The following DENND5A variants were observed in gnomAD, a reference collection of about 807,000 sequenced individuals.
The protein encoded by DENND5A is DENN domain-containing protein 5A.
DENND5A carries 64 observed loss-of-function variants against 140.3 expected under a neutral mutation model. The observed-to-expected ratio is 0.46, with a 90% confidence interval of 0.37 to 0.56. DENND5A has a LOEUF of 0.56. Among genes scored for constraint, DENND5A ranks in the 20% least tolerant of loss-of-function variants. The pLI, the probability that DENND5A is intolerant of heterozygous loss-of-function variation, is 0.00. For synonymous variants in DENND5A, 605 were observed against 607.7 expected, an observed-to-expected ratio of 1.00 and a Z score of 0.07; for missense variants, 1,292 against 1,593.8, an observed-to-expected ratio of 0.81 and a Z score of 3.22.
At chr11:9,224,273 G>A (rs1850443370) in intron 1 of DENND5A, among the ~76,000 whole-genome samples, 1 of 152,154 alleles carries the variant, frequency 6.6e-6, no homozygotes, top group African/African-American at 2.4e-5. Context: ...TTGAAGGGAA[G>A]TGAGAAAGCT....
At chr11:9,230,999 AC>A (rs1850745830) in intron 1 of DENND5A, among the ~76,000 whole-genome samples, 2 of 151,954 alleles carry the variant, frequency 1.3e-5, no homozygotes, top group African/African-American at 4.8e-5. Context: ...AAACAAACAA[AC>A]AAAAAAAACC....
chr11:9,252,170 C>T (rs947878796), intron 1 of DENND5A, among the ~76,000 whole-genome samples: 1 of 141,632 alleles, frequency 7.1e-6, no homozygotes, highest in African/African-American at 2.7e-5. Context: ...TGGTAGCACG[C>T]GCCTGTAGTC....
chr11:9,144,566 G>A (rs759317031), intron 18 of DENND5A, among the ~76,000 whole-genome samples: 7 of 152,056 alleles, frequency 4.6e-5, no homozygotes, highest in African/African-American at 7.2e-5. Context: ...CGAGGCGGCC[G>A]GATCACCTGC....
intron 16 of DENND5A, among the ~76,000 whole-genome samples, chr11:9,146,382 G>A (rs1403072168): frequency 6.6e-6 from 1 of 152,204 alleles, no homozygotes; most frequent in African/African-American, 2.4e-5. Flanking sequence ...AACTAGCCAT[G>A]TGGCAAACTC....
At chr11:9,172,996 T>A (rs57127036) in intron 8 of DENND5A, among the ~76,000 whole-genome samples, 13,111 of 147,382 alleles carry the variant, frequency 0.089, 612 homozygotes, top group South Asian at 0.12. Context: ...TTTTTTTTTT[T>A]TATATGTTTA....
intron 6 of DENND5A, 43 bp from the exon 7 acceptor site, chr11:9,179,116 C>G: frequency 6.4e-7 from 1 of 1,553,874 alleles, no homozygotes; most frequent in Non-Finnish European, 8.8e-7. Flanking sequence ...TACACTTTTT[C>G]CTTTTAACCC....
intron 4 of DENND5A, among the ~76,000 whole-genome samples, chr11:9,202,773 T>C (rs1055404391): frequency 1.3e-5 from 2 of 152,110 alleles, no homozygotes; most frequent in Non-Finnish European, 1.5e-5. Flanking sequence ...CATTCTTGTC[T>C]TAGACCGTTT....
At chr11:9,179,103 A>G in intron 6 of DENND5A, 30 bp from the exon 7 acceptor site, 2 of 1,588,354 alleles carry the variant, frequency 1.3e-6, no homozygotes, top group South Asian at 1.1e-5. Context: ...AGTTGAGAAC[A>G]CATACACTTT....
chr11:9,240,607 C>T lies in DENND5A; in HGVS notation c.109+24354G>A, dbSNP rs114347780. On this transcript the variant is annotated intron_variant, in intron 1 of 22. Transcript: ENST00000328194. Reference sequence around the variant, plus strand: ...TGCCTGTAGTCGCAGCTACTCAGGACGATGAGGTGGGAGGATCACTTGAGC... The same window carrying T: ...TGCCTGTAGTCGCAGCTACTCAGGATGATGAGGTGGGAGGATCACTTGAGC... Among the ~76,000 whole-genome samples the T allele has an allele frequency of 2.6e-3, 389 of 151,620 alleles. 1 individual carries two copies. The highest frequency in any genetic ancestry group is 8.6e-3 in the African/African-American group (356 of 41,312).
intron 5 of DENND5A, among the ~76,000 whole-genome samples, chr11:9,184,297 G>C (rs1848832654): frequency 6.6e-6 from 1 of 151,892 alleles, no homozygotes. Context: ...AGCTTGCAGT[G>C]AGCCAAGATC....
intron 1 of DENND5A, among the ~76,000 whole-genome samples, chr11:9,239,243 G>A (rs774783825): frequency 1.3e-5 from 2 of 151,332 alleles, no homozygotes; most frequent in Admixed American, 6.6e-5. Flanking sequence ...CGTTGCCCAC[G>A]CTGGACTCAA....
At chr11:9,157,570 G>C (rs556090440) in intron 12 of DENND5A, among the ~76,000 whole-genome samples, 1 of 152,250 alleles carries the variant, frequency 6.6e-6, no homozygotes, top group African/African-American at 2.4e-5. Flanking sequence ...ACTTATAAGT[G>C]AGAACAAGCA....
At chr11:9,218,309 G>GA (rs1176466630) in intron 1 of DENND5A, among the ~76,000 whole-genome samples, 1 of 151,838 alleles carries the variant, frequency 6.6e-6, no homozygotes. Flanking sequence ...AATGGTGTCA[G>GA]AAAAATTTAA....
At chr11:9,183,277 A>G (rs1848795076) in intron 5 of DENND5A, among the ~76,000 whole-genome samples, 1 of 152,154 alleles carries the variant, frequency 6.6e-6, no homozygotes, top group Non-Finnish European at 1.5e-5. Context: ...CAATATTACC[A>G]ATGTCATAGA....
Position 9,145,673 on chromosome 11 carries a change from G to A in DENND5A, c.3000C>T (p.Phe1000=), listed in dbSNP as rs778304073. 2.9e-5 allele frequency: 46 copies of A among 1,613,996 alleles called. No homozygotes were observed. The highest frequency in any genetic ancestry group is 2.7e-4 in the South Asian group (25 of 91,080). ...QIPRNVLEMT[F]ECQNLGKLTT... is the part of the protein sequence containing the mutation. The stretch of plus-strand genomic sequence containing the variant: ...TGTGGCCCCAAATAACACATACCTC[G>A]AAGGTCATCTCTAGCACATTCCTGG... Residue 1000 remains phenylalanine (F), a synonymous_variant, in exon 17 of 23, where the codon TTC becomes TTT. Coordinates refer to ENST00000328194, the MANE Select transcript of DENND5A (RefSeq NM_015213.4).
chr11:9,191,840 C>T (rs1849137261), intron 5 of DENND5A, among the ~76,000 whole-genome samples: 1 of 152,142 alleles, frequency 6.6e-6, no homozygotes, highest in Non-Finnish European at 1.5e-5. Context: ...TGTGACTTTA[C>T]AGAATCATAA....
intron 1 of DENND5A, among the ~76,000 whole-genome samples, chr11:9,227,276 A>T (rs1346181641): frequency 2.0e-5 from 3 of 152,124 alleles, no homozygotes; most frequent in African/African-American, 7.2e-5. Context: ...GACCTTATCT[A>T]CCCCACATTG....
At chr11:9,170,490 C>T in intron 9 of DENND5A, 137 bp downstream of exon 9, 1 of 1,164,402 alleles carries the variant, frequency 8.6e-7, no homozygotes. Context: ...AAGCAAACCA[C>T]CTAGATAGTC....
At position 9,147,111 on chromosome 11, in the gene DENND5A, C is replaced by T. The variant is rs1554910778; in HGVS notation, c.2776G>A (p.Glu926Lys). The part of the protein sequence containing the change: ...KRYAFLRCDD[E>K]KEQFLYHLLS... ...AGGTGATAGAGGAACTGCTCCTTCT[C>T]GTCATCACAGCGCAGGAAGGCATAG... is the stretch of plus-strand genomic sequence containing the variant. The change falls in exon 16 of 23, where the codon GAG becomes AAG. Residue 926 changes from glutamate (E) to lysine (K), a missense_variant. Physicochemically the swap from Glu to Lys is moderately conservative, Grantham distance 56 (BLOSUM62 1). Transcript: ENST00000328194. 6 of 1,614,064 alleles carry T rather than the reference C, an allele frequency of 3.7e-6. No individual in the cohort carries two copies. Among genetic ancestry groups the T allele is most frequent in the Non-Finnish European group, 5.1e-6 (6 of 1,179,948 alleles).
Sources: allele counts gnomAD v4.1 joint callset (sites outside exome capture counted in the v4.1 genomes callset), GRCh38; gene constraint gnomAD v4.1.1; transcripts MANE v1.5; gene names NCBI Gene and HGNC (gene_info 2026-07-23, HGNC 2026-07-21).